Variants in ZFR2 observed in about 807,000 individuals in gnomAD.
ZFR2 encodes zinc finger RNA binding protein 2.
Under a neutral mutation model 105.7 loss-of-function variants are expected in ZFR2, and 104 were observed. The ratio of observed to expected loss-of-function variants is 0.98; its 90% CI spans 0.84 to 1.16. The LOEUF (loss-of-function observed/expected upper bound fraction) is 1.16. ZFR2 is among the 50% of genes most tolerant of loss of function. ZFR2 has a pLI of 0.00. For missense variants in ZFR2, 1,425 were observed against 1,355.5 expected (o/e 1.05, Z -0.80); for synonymous variants, 634 against 597.7 (o/e 1.06, Z -0.89).
At chr19:3,844,015 G>GA (rs1555757833) in intron 1 of ZFR2, among the ~76,000 whole-genome samples, 1 of 128,868 alleles carries the variant, frequency 7.8e-6, no homozygotes, top group Non-Finnish European at 1.6e-5. Flanking sequence ...GTAGGATGTG[G>GA]GGGGGGGGGT....
chr19:3,826,861 G>A (rs1568423120), intron 6 of ZFR2, among the ~76,000 whole-genome samples: 5 of 152,216 alleles, frequency 3.3e-5, no homozygotes, highest in South Asian at 2.1e-4. Flanking sequence ...CTGTCACCAC[G>A]CCCGAATGCC....
rs775096921 is a variant in ZFR2 at position 3,831,307 on chromosome 19, G to C, written c.848C>G (p.Pro283Arg). 6.5e-7 allele frequency: 1 copy of C among 1,531,716 alleles called. No homozygotes were observed. Among genetic ancestry groups the C allele is most frequent in the Non-Finnish European group, 8.8e-7 (1 of 1,138,576 alleles). The allele number at this position is 1,531,716 out of a possible 1,614,324, so 94.9% of individuals were successfully genotyped here. ...CDICKISCAG[P>R]QTYREHLGGQ... ...CATGGCAGGAGGGCGACTGACCTGG[G>C]GGCCAGCGCAGCTGATCTTGCAGAT... is the stretch of plus-strand genomic sequence containing the variant. The change falls in exon 5 of 19, where the codon CCC becomes CGC. Residue 283 changes from proline to arginine, a missense_variant. By Grantham distance (103) the Pro-to-Arg change is moderately radical (BLOSUM62 -2). Coordinates refer to ENST00000262961, the MANE Select transcript of ZFR2 (RefSeq NM_015174.2).
At chr19:3,811,241 TC>T in intron 15 of ZFR2, 30 bp downstream of exon 15, 1 of 1,525,162 alleles carries the variant, frequency 6.6e-7, no homozygotes, top group Non-Finnish European at 8.8e-7. Flanking sequence ...AAGTCACCCC[TC>T]TCCCCCTGCT....
chr19:3,839,160 A>G (rs1305021594), intron 1 of ZFR2, among the ~76,000 whole-genome samples: 2 of 152,104 alleles, frequency 1.3e-5, no homozygotes, highest in Non-Finnish European at 2.9e-5. Flanking sequence ...AAACATTCAG[A>G]TTCCACAGAT....
chr19:3,854,859 G>A (rs1030827251), intron 1 of ZFR2, among the ~76,000 whole-genome samples: 1 of 152,166 alleles, frequency 6.6e-6, no homozygotes, highest in African/African-American at 2.4e-5. Context: ...TAACTCCTGG[G>A]CTCAAGTGAT....
chr19:3,842,105 T>C (rs1396964514), intron 1 of ZFR2, among the ~76,000 whole-genome samples: 1 of 151,762 alleles, frequency 6.6e-6, no homozygotes, highest in Non-Finnish European at 1.5e-5. Context: ...CTCCAACTCC[T>C]GGGCTCAAGA....
At position 3,811,546 on chromosome 19, in the gene ZFR2, C is replaced by T. The variant is rs967493729; in HGVS notation, c.2243-180G>A. Among the ~76,000 whole-genome samples, 8 of 151,638 alleles carry T rather than the reference C, an allele frequency of 5.3e-5. No individual in the cohort carries two copies. In the South Asian group the frequency reaches 1.0e-3, roughly 20 times the overall value. On this transcript the variant is annotated intron_variant, in intron 14 of 18. Coordinates refer to ENST00000262961, the MANE Select transcript of ZFR2 (RefSeq NM_015174.2). ...CTTGGCTCACTGCAACCTCTGTCTC[C>T]GGGGTTCAAGTGATTCTCCTGCCTC...
intron 10 of ZFR2, 109 bp from the exon 11 acceptor site, chr19:3,820,399 A>C: frequency 1.9e-6 from 2 of 1,037,670 alleles, no homozygotes; most frequent in Non-Finnish European, 2.7e-6. Context: ...GGAAGGGCCA[A>C]AGCTCTTGCT....
chr19:3,846,746 T>C (rs747802882), intron 1 of ZFR2, among the ~76,000 whole-genome samples: 11 of 152,244 alleles, frequency 7.2e-5, no homozygotes, highest in Non-Finnish European at 1.3e-4. Context: ...TCACCTGTTT[T>C]CCTTAATTAC....
chr19:3,831,172 C>A, intron 5 of ZFR2, 131 bp downstream of exon 5: 3 of 1,298,042 alleles, frequency 2.3e-6, no homozygotes, highest in South Asian at 1.6e-5. Flanking sequence ...ATGCATACAA[C>A]ATGCAAGTTA....
chr19:3,855,420 A>G (rs1228223730), intron 1 of ZFR2: 1 of 1,231,616 alleles, frequency 8.1e-7, no homozygotes, highest in Non-Finnish European at 1.0e-6. Flanking sequence ...AAGTGAAAGC[A>G]GTCCCGGGCG....
At position 3,823,877 on chromosome 19, in the gene ZFR2, G is replaced by A. The variant is rs935006960; in HGVS notation, c.1214-474C>T. 3.3e-5 allele frequency among the ~76,000 whole-genome samples: 5 copies of A among 152,128 alleles called. No homozygotes were observed. Among genetic ancestry groups the A allele is most frequent in the Admixed American group, 1.3e-4 (2 of 15,254 alleles). ...GCTAAAAATAGAATGTGGCTCCCTC[G>A]ACCCCTGCCCACGCACAGCACGGTG... On this transcript the variant is annotated intron_variant, in intron 7 of 18. Coordinates refer to ENST00000262961, the MANE Select transcript of ZFR2 (RefSeq NM_015174.2). This position sits in a 1 kb window ranked among gnomAD's most constrained non-coding sequence, Gnocchi z 5.4.
chr19:3,833,247 TCA>T (rs2038038169), intron 3 of ZFR2, among the ~76,000 whole-genome samples: 4 of 101,566 alleles, frequency 3.9e-5, no homozygotes, highest in South Asian at 3.0e-4. Context: ...AGACTCCGTC[TCA>T]AAAAAAAAAA....
chr19:3,819,865 T>G (rs1195241618), intron 11 of ZFR2, among the ~76,000 whole-genome samples: 4 of 91,208 alleles, frequency 4.4e-5, no homozygotes, highest in African/African-American at 4.2e-5. Context: ...AAAAAAATAG[T>G]TCCCATCGAA....
chr19:3,857,222 G>C (rs934986535), intron 1 of ZFR2, among the ~76,000 whole-genome samples: 1 of 151,406 alleles, frequency 6.6e-6, no homozygotes, highest in Non-Finnish European at 1.5e-5. Context: ...CGAGTACCTG[G>C]GACTACAGGC....
intron 1 of ZFR2, among the ~76,000 whole-genome samples, chr19:3,866,769 C>A (rs2038434864): frequency 6.6e-6 from 1 of 152,210 alleles, no homozygotes; most frequent in East Asian, 1.9e-4. Flanking sequence ...CTAGCCAAGT[C>A]CAGCCGCTTT....
rs971149642 is a variant in ZFR2, at chr19:3,855,558, T to C, written c.53+13407A>G. On this transcript the variant is annotated intron_variant, in intron 1 of 18. Transcript: ENST00000262961. ...ACCAAAGTCCCGTCCTCCAGGAGGG[T>C]GCTGCGCGATAGTCCAGGGAGACAC... 50 of 769,762 alleles carry C rather than the reference T, an allele frequency of 6.5e-5. No homozygotes were observed. The Admixed American group carries it at 2.1e-3, about 32-fold the overall frequency. The allele number at this position is 769,762 out of a possible 1,614,324, so 47.7% of individuals were successfully genotyped here. A position where few individuals can be genotyped will look rare whatever the true frequency, so the allele number is the denominator to read the frequency against.
At chr19:3,829,454 T>TTGTGTGTG (rs113401682) in intron 5 of ZFR2, among the ~76,000 whole-genome samples, 6 of 149,648 alleles carry the variant, frequency 4.0e-5, no homozygotes, top group African/African-American at 1.5e-4. Context: ...ATAGGTAGGT[T>TTGTGTGTG]TGTGTGTGTG....
In ZFR2 at chr19:3,819,243, G is replaced by A. The variant is rs2037862067; in HGVS notation, c.1741-8C>T. ...CGCCGGCCGCCGCCCGGGCTGTGGG[G>A]AGAGGCCGCACGTGTCAAGGGTGGT... On this transcript the variant is annotated splice_region_variant and splice_polypyrimidine_tract_variant and intron_variant, in intron 11 of 18. Coordinates refer to ENST00000262961, the MANE Select transcript of ZFR2 (RefSeq NM_015174.2). 6.6e-7 allele frequency: 1 copy of A among 1,525,762 alleles called. No individual in the cohort carries two copies. The highest frequency in any genetic ancestry group is 8.7e-7 in the Non-Finnish European group (1 of 1,145,526). The allele number at this position is 1,525,762 out of a possible 1,614,324, so 94.5% of individuals were successfully genotyped here.
Sources: allele counts gnomAD v4.1 joint callset (sites outside exome capture counted in the v4.1 genomes callset), GRCh38; gene constraint gnomAD v4.1.1; non-coding constraint Gnocchi (gnomAD v3.1); transcripts MANE v1.5; gene names NCBI Gene and HGNC (gene_info 2026-07-23, HGNC 2026-07-21).